The following SOX6 variants were observed in gnomAD, a reference collection of about 807,000 sequenced individuals.
The protein encoded by SOX6 is transcription factor SOX-6.
SOX6 carries 11 observed loss-of-function variants against 97.8 expected under a neutral mutation model. The observed-to-expected ratio is 0.11, with a 90% CI of 0.07 to 0.19. The LOEUF is 0.19. SOX6 is among the 10% of genes least tolerant of loss of function. The probability of loss-of-function intolerance (pLI) is 1.00; values close to 1 mark genes in which losing one functional copy is unlikely to be tolerated. For synonymous variants in SOX6, 360 were observed against 371.4 expected, an observed-to-expected ratio of 0.97 and a Z score of 0.35; for missense variants, 810 against 1,039.5, an observed-to-expected ratio of 0.78 and a Z score of 3.04.
At chr11:16,266,415 A>C (rs921286107) in intron 3 of SOX6, among the ~76,000 whole-genome samples, 2 of 151,724 alleles carry the variant, frequency 1.3e-5, no homozygotes, top group African/African-American at 2.4e-5. Flanking sequence ...CTGGACTGTA[A>C]GGAATATTAA....
intron 3 of SOX6, among the ~76,000 whole-genome samples, chr11:16,701,763 C>G: frequency 1.3e-4 from 1 of 7,642 alleles, no homozygotes; most frequent in South Asian, 2.6e-3. Context: ...GCGGGCGGGA[C>G]GGAGGGGTTC....
At chr11:16,563,571 G>C (rs1190589207) in intron 4 of SOX6, among the ~76,000 whole-genome samples, 2 of 152,146 alleles carry the variant, frequency 1.3e-5, no homozygotes, top group African/African-American at 4.8e-5. Flanking sequence ...CTAAATAACA[G>C]AGAGAAAACA....
At chr11:16,284,691 A>C (rs967264695) in intron 3 of SOX6, among the ~76,000 whole-genome samples, 9 of 152,110 alleles carry the variant, frequency 5.9e-5, no homozygotes, top group Admixed American at 2.0e-4. Context: ...AATGTGTTTT[A>C]GAAGAGCTAT....
intron 1 of SOX6, among the ~76,000 whole-genome samples, chr11:16,355,352 A>C (rs2134366109): frequency 6.6e-6 from 1 of 152,174 alleles, no homozygotes; most frequent in East Asian, 1.9e-4. Context: ...AAAGAAATGT[A>C]TCGCAGAATA....
At chr11:16,525,052 C>A (rs902595071) in intron 4 of SOX6, among the ~76,000 whole-genome samples, 5 of 152,162 alleles carry the variant, frequency 3.3e-5, no homozygotes, top group African/African-American at 4.8e-5. Context: ...AATGGCCATA[C>A]TGCCCAAGGT....
intron 4 of SOX6, among the ~76,000 whole-genome samples, chr11:16,206,381 C>A (rs1292996278): frequency 1.3e-5 from 2 of 152,026 alleles, no homozygotes; most frequent in Admixed American, 1.3e-4. Context: ...ACTTTTAATT[C>A]TTTGATTTGT....
intron 2 of SOX6, among the ~76,000 whole-genome samples, chr11:16,333,571 C>A (rs532242399): frequency 2.6e-5 from 4 of 151,802 alleles, no homozygotes; most frequent in African/African-American, 2.4e-5. Context: ...CATTGATTAA[C>A]CCTGACCAAC....
At chr11:16,040,526 A>G (rs570682237) in intron 12 of SOX6, among the ~76,000 whole-genome samples, 1 of 152,058 alleles carries the variant, frequency 6.6e-6, no homozygotes, top group Non-Finnish European at 1.5e-5. Flanking sequence ...TGATCTGTGT[A>G]TGTTCTTTTA....
At chr11:16,096,938 G>A (rs180796090) in intron 8 of SOX6, among the ~76,000 whole-genome samples, 1 of 151,826 alleles carries the variant, frequency 6.6e-6, no homozygotes, top group Non-Finnish European at 1.5e-5. Context: ...CATTCAAGTG[G>A]TAGTAGTAGA....
chr11:16,011,637 T>C (rs965774497), intron 13 of SOX6, among the ~76,000 whole-genome samples: 4 of 152,068 alleles, frequency 2.6e-5, no homozygotes, highest in Non-Finnish European at 5.9e-5. Flanking sequence ...AGTGATATTG[T>C]CATTTTCATG....
At chr11:16,024,895 G>C (rs949149227) in intron 12 of SOX6, among the ~76,000 whole-genome samples, 1 of 151,940 alleles carries the variant, frequency 6.6e-6, no homozygotes, top group African/African-American at 2.4e-5. Flanking sequence ...CAAAATAAGC[G>C]AGTTCTGTCT....
chr11:16,376,820 C>T (rs1047799089), intron 1 of SOX6, among the ~76,000 whole-genome samples: 1 of 151,488 alleles, frequency 6.6e-6, no homozygotes, highest in African/African-American at 2.4e-5. Flanking sequence ...GACTTCAGAA[C>T]TGACAAGCGT....
At chr11:16,355,199 A>G (rs1453533607) in intron 1 of SOX6, among the ~76,000 whole-genome samples, 1 of 152,092 alleles carries the variant, frequency 6.6e-6, no homozygotes, top group Non-Finnish European at 1.5e-5. Flanking sequence ...TTCCATCATC[A>G]AGATAAACTT....
At chr11:16,291,999 T>C (rs1251541709) in intron 3 of SOX6, among the ~76,000 whole-genome samples, 2 of 152,156 alleles carry the variant, frequency 1.3e-5, no homozygotes, top group African/African-American at 2.4e-5. Context: ...AGGCTTAAAC[T>C]ACAGATGTTT....
intron 2 of SOX6, among the ~76,000 whole-genome samples, chr11:16,727,822 C>A: frequency 6.6e-6 from 1 of 152,070 alleles, no homozygotes; most frequent in East Asian, 1.9e-4. Context: ...TTTTTTTCAA[C>A]TTCATATGCT....
chr11:16,221,483 A>G (rs1852535609), intron 4 of SOX6, among the ~76,000 whole-genome samples: 1 of 152,124 alleles, frequency 6.6e-6, no homozygotes, highest in Non-Finnish European at 1.5e-5. Flanking sequence ...AAGGAAAACC[A>G]CCACTTGTGC....
At chr11:16,386,002 T>G (rs1022900243) in intron 1 of SOX6, among the ~76,000 whole-genome samples, 1 of 152,180 alleles carries the variant, frequency 6.6e-6, no homozygotes, top group South Asian at 2.1e-4. Context: ...TGGAGCCATA[T>G]TGTTCTCTGG....
At chr11:16,155,792 A>T (rs986452551) in intron 6 of SOX6, among the ~76,000 whole-genome samples, 6 of 152,012 alleles carry the variant, frequency 3.9e-5, no homozygotes, top group Admixed American at 1.3e-4. Flanking sequence ...AAGTTTCCAA[A>T]TTTATTTCCC....
At chr11:16,572,671 A>G (rs1432253623) in intron 4 of SOX6, among the ~76,000 whole-genome samples, 1 of 152,184 alleles carries the variant, frequency 6.6e-6, no homozygotes, top group Non-Finnish European at 1.5e-5. Context: ...TTAACTAATT[A>G]GTGGATCTGC....
Sources: allele counts gnomAD v4.1 joint callset (sites outside exome capture counted in the v4.1 genomes callset), GRCh38; gene constraint gnomAD v4.1.1; transcripts MANE v1.5; gene names NCBI Gene and HGNC (gene_info 2026-07-23, HGNC 2026-07-21).